Variants in MYO16 observed in about 807,000 individuals in gnomAD.
MYO16 encodes the protein myosin XVI.
A neutral mutation model predicts 205.3 loss-of-function variants in MYO16; 94 were observed. The ratio of observed to expected loss-of-function variants is 0.46; its 90% CI spans 0.39 to 0.54. The LOEUF (loss-of-function observed/expected upper bound fraction) is 0.54, where lower values mean the gene tolerates loss of function less well. Among genes scored for constraint, MYO16 ranks in the 20% least tolerant of loss-of-function variants. The probability of loss-of-function intolerance (pLI) is 0.00; values close to 1 mark genes in which losing one functional copy is unlikely to be tolerated. For missense variants in MYO16, 2,315 were observed against 2,387.5 expected (o/e 0.97, Z 0.63); for synonymous variants, 988 against 954.0 (o/e 1.04, Z -0.66).
intron 12 of MYO16, among the ~76,000 whole-genome samples, chr13:108,882,319 G>A (rs1318964064): frequency 6.6e-6 from 1 of 152,128 alleles, no homozygotes; most frequent in Admixed American, 6.6e-5. Flanking sequence ...TCAGGCCAGC[G>A]CTGCACGTTG....
chr13:109,113,291 T>TGAGG (rs1258545463), intron 28 of MYO16, among the ~76,000 whole-genome samples: 6 of 141,984 alleles, frequency 4.2e-5, no homozygotes, highest in Non-Finnish European at 7.5e-5. Flanking sequence ...AGAGGGAAGG[T>TGAGG]GAGGGAGGGA....
chr13:108,927,116 A>G (rs1008088712), intron 16 of MYO16, among the ~76,000 whole-genome samples: 1 of 149,456 alleles, frequency 6.7e-6, no homozygotes, highest in Admixed American at 6.7e-5. Flanking sequence ...TCAACAACTG[A>G]AGAGAGAGAG....
intron 20 of MYO16, among the ~76,000 whole-genome samples, chr13:108,966,928 T>C (rs1883812108): frequency 6.6e-6 from 1 of 152,246 alleles, no homozygotes; most frequent in South Asian, 2.1e-4. Flanking sequence ...GTTTTTGAAA[T>C]GTTGTAATCG....
chr13:108,649,220 A>G (rs1414433233), intron 1 of MYO16, among the ~76,000 whole-genome samples: 1 of 143,534 alleles, frequency 7.0e-6, no homozygotes, highest in Non-Finnish European at 1.5e-5. Flanking sequence ...AACTTAAAGT[A>G]TAATAAAAAA....
chr13:109,189,687 T>C lies in MYO16; in HGVS notation c.5415+10054T>C, dbSNP rs564012940. 4.2e-4 allele frequency among the ~76,000 whole-genome samples: 64 copies of C among 152,210 alleles called. 1 individual carries two copies. The highest frequency in any genetic ancestry group is 1.9e-3 in the Admixed American group (29 of 15,282). ...CAACAGTCATACAGGGAAAAAATAGTGGGGAAAAAAAATCGTCTTTTATGC... is the reference window on the plus strand; with the variant it reads ...CAACAGTCATACAGGGAAAAAATAGCGGGGAAAAAAAATCGTCTTTTATGC... On this transcript the variant is annotated intron_variant, in intron 34 of 34. Coordinates refer to ENST00000457511, the MANE Select transcript of MYO16 (RefSeq NM_001198950.3).
intron 2 of MYO16, among the ~76,000 whole-genome samples, chr13:108,670,935 G>A (rs1259218333): frequency 1.3e-5 from 2 of 152,142 alleles, no homozygotes; most frequent in Admixed American, 6.6e-5. Flanking sequence ...TTCTTAACAT[G>A]TATTTTTAAG....
At chr13:108,713,535 G>A (rs540634556) in intron 3 of MYO16, among the ~76,000 whole-genome samples, 64 of 152,258 alleles carry the variant, frequency 4.2e-4, no homozygotes, top group South Asian at 6.2e-4. Context: ...ACTGACACCT[G>A]ACTCCCAACC....
intron 3 of MYO16, 88 bp from the exon 4 acceptor site, chr13:108,727,352 G>T: frequency 7.1e-7 from 1 of 1,408,738 alleles, no homozygotes. Flanking sequence ...AATTGGTATT[G>T]AAGTTTTTTT....
At chr13:108,780,100 G>A (rs1007421565) in intron 4 of MYO16, 5 of 152,178 alleles carry the variant, frequency 3.3e-5, no homozygotes, top group African/African-American at 1.2e-4. Context: ...GTCATGTGTG[G>A]CAGCTCAAAG....
At chr13:108,828,482 G>T (rs918962317) in intron 9 of MYO16, among the ~76,000 whole-genome samples, 6 of 152,080 alleles carry the variant, frequency 3.9e-5, no homozygotes, top group African/African-American at 9.7e-5. Context: ...GTTTTGTAAA[G>T]AATCTGGCTG....
intron 20 of MYO16, among the ~76,000 whole-genome samples, chr13:108,985,514 G>A (rs565758293): frequency 1.8e-4 from 27 of 152,338 alleles, no homozygotes; most frequent in African/African-American, 5.5e-4. Context: ...GACGTGGGAG[G>A]AGACCAGATA....
intron 23 of MYO16, among the ~76,000 whole-genome samples, chr13:109,040,004 A>G (rs1327487731): frequency 6.6e-6 from 1 of 152,188 alleles, no homozygotes; most frequent in Non-Finnish European, 1.5e-5. Flanking sequence ...AAATCATTAT[A>G]GGCCCTGTAG....
intron 4 of MYO16, among the ~76,000 whole-genome samples, chr13:108,741,704 A>G (rs1884914636): frequency 6.6e-6 from 1 of 152,228 alleles, no homozygotes; most frequent in Admixed American, 6.5e-5. Flanking sequence ...TATGGAATGC[A>G]TGAAGAATGA....
Position 109,200,904 on chromosome 13 carries a change from C to T in MYO16, c.5416-5705C>T, listed in dbSNP as rs554691037. Among the ~76,000 whole-genome samples the T allele has an allele frequency of 5.3e-5, 8 of 152,140 alleles. No individual in the cohort carries two copies. The South Asian group carries it at 1.5e-3, about 28-fold the overall frequency. ...AAAGAGTTTAGGATTTAGAGGAAAT[C>T]TGGAGTGGATGTATTTTGTGCTTGG... On this transcript the variant is annotated intron_variant, in intron 34 of 34. Transcript: ENST00000457511.
At chr13:108,538,329 T>C in the MYO16 span, among the ~76,000 whole-genome samples, 4 of 152,200 alleles carry the variant, frequency 2.6e-5, no homozygotes, top group South Asian at 4.1e-4. Context: ...GAAAGATCAC[T>C]GAGGAAGTAT....
At chr13:109,159,818 G>C (rs1419545677) in intron 32 of MYO16, among the ~76,000 whole-genome samples, 2 of 152,232 alleles carry the variant, frequency 1.3e-5, no homozygotes, top group East Asian at 3.8e-4. Context: ...GGCCGGGAAG[G>C]CAAGACCGAG....
chr13:109,182,968 G>T (rs940572655), intron 34 of MYO16, among the ~76,000 whole-genome samples: 6 of 152,168 alleles, frequency 3.9e-5, no homozygotes, highest in Non-Finnish European at 8.8e-5. Flanking sequence ...AATAAAACTG[G>T]CTGTGAGATA....
At chr13:109,070,434 A>G (rs1262979581) in intron 27 of MYO16, among the ~76,000 whole-genome samples, 1 of 152,208 alleles carries the variant, frequency 6.6e-6, no homozygotes, top group Non-Finnish European at 1.5e-5. Flanking sequence ...TGAGCTCTAA[A>G]TTTTGTGTCT....
intron 20 of MYO16, among the ~76,000 whole-genome samples, chr13:108,972,239 C>A (rs867560713): frequency 2.6e-4 from 4 of 15,466 alleles, no homozygotes; most frequent in Non-Finnish European, 5.3e-4. Flanking sequence ...CTCTCTCTCT[C>A]TCTCTCTCTC....
Sources: gnomAD v4.1 joint callset for allele counts (sites outside exome capture counted in the v4.1 genomes callset) on GRCh38, gnomAD v4.1.1 for gene constraint, MANE v1.5 for transcripts, NCBI Gene and HGNC (gene_info 2026-07-23, HGNC 2026-07-21) for gene names.